The following PTPRA variants were observed in gnomAD, a reference collection of about 807,000 sequenced individuals.
The protein encoded by PTPRA is protein tyrosine phosphatase receptor type A, also known as receptor-type tyrosine-protein phosphatase alpha.
A neutral mutation model predicts 104.8 loss-of-function variants in PTPRA; 25 were observed. The observed-to-expected ratio is 0.24, with a 90% confidence interval of 0.17 to 0.33. PTPRA has a LOEUF of 0.33. PTPRA is among the 10% of genes least tolerant of loss of function. The probability of loss-of-function intolerance (pLI) is 1.00; values close to 1 mark genes in which losing one functional copy is unlikely to be tolerated. For missense variants in PTPRA, 765 were observed against 1,015.3 expected (o/e 0.75, Z 3.35); for synonymous variants, 323 against 368.9 (o/e 0.88, Z 1.43).
chr20:2,906,630 T>C, intron 1 of PTPRA, among the ~76,000 whole-genome samples: 1 of 152,204 alleles, frequency 6.6e-6, no homozygotes, highest in East Asian at 1.9e-4. Context: ...ATTTTCTTAA[T>C]TGGAGTTCAG....
chr20:2,933,894 A>T (rs1296640077), intron 2 of PTPRA, among the ~76,000 whole-genome samples: 1 of 152,136 alleles, frequency 6.6e-6, no homozygotes, highest in Non-Finnish European at 1.5e-5. Flanking sequence ...TTTCTTTTTA[A>T]TATTTAGGAA....
chr20:2,896,600 C>T (rs1207920696), intron 1 of PTPRA, among the ~76,000 whole-genome samples: 1 of 152,172 alleles, frequency 6.6e-6, no homozygotes, highest in Non-Finnish European at 1.5e-5. Flanking sequence ...AAACATAATG[C>T]TGTATTACCC....
chr20:2,975,539 G>A (rs1359288695), intron 6 of PTPRA, among the ~76,000 whole-genome samples: 1 of 152,142 alleles, frequency 6.6e-6, no homozygotes, highest in Non-Finnish European at 1.5e-5. Flanking sequence ...GTGATATTAG[G>A]TCATAATTTC....
intron 3 of PTPRA, among the ~76,000 whole-genome samples, chr20:2,958,651 T>A (rs1600173201): frequency 1.0e-5 from 1 of 98,106 alleles, no homozygotes; most frequent in South Asian, 4.2e-4. Context: ...TGAAACCCCA[T>A]CTCTACTAAA....
At chr20:2,996,682 G>A (rs923190474) in intron 9 of PTPRA, among the ~76,000 whole-genome samples, 38 of 152,264 alleles carry the variant, frequency 2.5e-4, no homozygotes, top group African/African-American at 9.1e-4. Flanking sequence ...GCAATTTACA[G>A]AAGAAATACA....
At chr20:2,955,915 C>A (rs2061520373) in intron 3 of PTPRA, among the ~76,000 whole-genome samples, 1 of 152,110 alleles carries the variant, frequency 6.6e-6, no homozygotes, top group Admixed American at 6.5e-5. Flanking sequence ...GATACAACAT[C>A]TACTCTAATA....
At chr20:2,902,278 A>G (rs1317988390) in intron 1 of PTPRA, among the ~76,000 whole-genome samples, 2 of 152,222 alleles carry the variant, frequency 1.3e-5, no homozygotes, top group Non-Finnish European at 2.9e-5. Flanking sequence ...CTTTACCACA[A>G]TTTTGATTGC....
At chr20:3,036,901 G>A (rs2065825667) in intron 22 of PTPRA, among the ~76,000 whole-genome samples, 1 of 152,224 alleles carries the variant, frequency 6.6e-6, no homozygotes, top group South Asian at 2.1e-4. Flanking sequence ...CAATGGCTCT[G>A]TGCTGGTGGG....
Position 2,965,019 on chromosome 20 carries a change from ACTGTCAATT to A in PTPRA, c.235_243del (p.Val79_Ser81del). 1 of 1,614,132 alleles carries A rather than the reference ACTGTCAATT, an allele frequency of 6.2e-7. No homozygotes were observed. On this transcript the variant is annotated inframe_deletion, in exon 5 of 24. Transcript: ENST00000399903. ...AACTCTGGGACCCACCTATTTAACC[ACTGTCAATT>A]CTTCAGACTCTGACAATGGGACCAC...
intron 20 of PTPRA, among the ~76,000 whole-genome samples, chr20:3,034,343 GAT>G (rs1473730375): frequency 6.6e-6 from 1 of 152,146 alleles, no homozygotes; most frequent in Non-Finnish European, 1.5e-5. Context: ...CTGTCTGAGA[GAT>G]CATGCTCAAT....
chr20:2,902,513 T>G (rs991640588), intron 1 of PTPRA, among the ~76,000 whole-genome samples: 10 of 152,342 alleles, frequency 6.6e-5, no homozygotes, highest in Admixed American at 6.5e-4. Context: ...ACTGGTCTGA[T>G]TCTTTCTTTT....
chr20:2,987,985 C>T (rs1386422589), intron 7 of PTPRA, 47 bp from the exon 8 acceptor site: 2 of 1,452,036 alleles, frequency 1.4e-6, no homozygotes, highest in South Asian at 2.3e-5. Context: ...TGATTTGCCT[C>T]TCCCACCTCT....
rs576431687 is a variant in PTPRA at position 3,035,017 on chromosome 20, A to G, written c.1921-568A>G. Among the ~76,000 whole-genome samples, 1 of 152,272 alleles carries G rather than the reference A, an allele frequency of 6.6e-6. No individual in the cohort carries two copies. Among genetic ancestry groups the G allele is most frequent in the Non-Finnish European group, 1.5e-5 (1 of 68,032 alleles). ...CAGCCACTCCCACAAGGAGCTGTAG[A>G]GGGAAGTGAGCCAGGTGCAAGCAAA... On this transcript the variant is annotated intron_variant, in intron 20 of 23. Transcript: ENST00000399903. This position sits in a 1 kb window ranked among gnomAD's most constrained non-coding sequence, Gnocchi z 5.8.
At chr20:2,951,232 T>C in intron 3 of PTPRA, among the ~76,000 whole-genome samples, 1 of 152,154 alleles carries the variant, frequency 6.6e-6, no homozygotes, top group East Asian at 1.9e-4. Flanking sequence ...CCCGAGTAGC[T>C]GGGACTCCAG....
chr20:2,932,706 G>A (rs914835464), intron 2 of PTPRA, among the ~76,000 whole-genome samples: 2 of 152,184 alleles, frequency 1.3e-5, no homozygotes, highest in Non-Finnish European at 2.9e-5. Flanking sequence ...ACAAAGGAAG[G>A]ATATGTTTTC....
In PTPRA at chr20:2,986,774, C is replaced by G; in HGVS notation, c.452C>G (p.Pro151Arg). 6.2e-7 allele frequency: 1 copy of G among 1,611,970 alleles called. No individual in the cohort carries two copies. Among genetic ancestry groups the G allele is most frequent in the Non-Finnish European group, 8.5e-7 (1 of 1,178,050 alleles). ...SDSKDRRDET[P>R]IIAVMVALSS... ...GTTGTCTTGATTTCAGATGAGACAC[C>G]AATTATTGCGGTGATGGTGGCCCTG... Residue 151 changes from proline (P) to arginine (R), a missense_variant, in exon 7 of 24, where the codon CCA becomes CGA. By Grantham distance (103) the Pro-to-Arg change is moderately radical. This residue lies in a region of PTPRA where 256 missense variants were observed against 248.9 expected (regional missense o/e 1.03). Coordinates refer to ENST00000399903, the MANE Select transcript of PTPRA (RefSeq NM_001385305.1).
intron 3 of PTPRA, among the ~76,000 whole-genome samples, chr20:2,957,766 G>GTAGGT (rs201505841): frequency 6.6e-6 from 1 of 152,116 alleles, no homozygotes; most frequent in African/African-American, 2.4e-5. Context: ...TCTTGGAAGG[G>GTAGGT]TAGGCAAGGC....
chr20:2,865,390 T>C, the PTPRA span: 1 of 1,614,078 alleles, frequency 6.2e-7, no homozygotes, highest in Non-Finnish European at 8.5e-7. The surrounding 1 kb of genome is among the most constrained non-coding windows in gnomAD (Gnocchi z 5.2). Flanking sequence ...AAGCCCAGCT[T>C]TCCTGCAGGC....
intron 1 of PTPRA, among the ~76,000 whole-genome samples, chr20:2,897,763 C>G (rs2059067178): frequency 6.6e-6 from 1 of 152,092 alleles, no homozygotes; most frequent in Admixed American, 6.5e-5. Context: ...GTTTAAAAAT[C>G]TTTTAAACAT....
Sources: allele counts gnomAD v4.1 joint callset (sites outside exome capture counted in the v4.1 genomes callset), GRCh38; gene constraint gnomAD v4.1.1; regional missense constraint gnomAD v4.1.1; non-coding constraint Gnocchi (gnomAD v3.1); transcripts MANE v1.5; gene names NCBI Gene and HGNC (gene_info 2026-07-23, HGNC 2026-07-21).